Variants in CDC42BPA observed in about 807,000 individuals in gnomAD.
CDC42BPA encodes the protein CDC42 binding protein kinase alpha.
Under a neutral mutation model 223.5 loss-of-function variants are expected in CDC42BPA, and 80 were observed. The observed-to-expected ratio is 0.36, with a 90% CI of 0.30 to 0.43. The LOEUF (loss-of-function observed/expected upper bound fraction) is 0.43, where lower values mean the gene tolerates loss of function less well. CDC42BPA is among the 20% of genes least tolerant of loss of function. CDC42BPA has a pLI of 1.00. For missense variants in CDC42BPA, 1,743 were observed against 2,099.9 expected, an observed-to-expected ratio of 0.83 and a Z score of 3.32; for synonymous variants, 694 against 718.6, an observed-to-expected ratio of 0.97 and a Z score of 0.55.
At chr1:227,168,155 C>T (rs1030078907) in intron 5 of CDC42BPA, among the ~76,000 whole-genome samples, 1 of 152,126 alleles carries the variant, frequency 6.6e-6, no homozygotes, top group Non-Finnish European at 1.5e-5. Context: ...AAACTCCTAA[C>T]CTCAAGTGAT....
At chr1:227,237,812 G>A (rs546420255) in intron 2 of CDC42BPA, among the ~76,000 whole-genome samples, 105 of 73,304 alleles carry the variant, frequency 1.4e-3, no homozygotes, top group Non-Finnish European at 2.1e-3. Context: ...AGGCCGAGGC[G>A]GGCGGATCAC....
intron 14 of CDC42BPA, 54 bp downstream of exon 14, chr1:227,112,258 A>G: frequency 9.4e-7 from 1 of 1,065,496 alleles, no homozygotes. Context: ...ACTCCTAACA[A>G]GCCTAAAGAG....
At chr1:227,076,763 T>C (rs1049628784) in intron 17 of CDC42BPA, among the ~76,000 whole-genome samples, 2 of 152,180 alleles carry the variant, frequency 1.3e-5, no homozygotes. Context: ...ATTATTTCCA[T>C]TGGTTCCTTT....
At chr1:227,147,077 T>C (rs1296855832) in intron 7 of CDC42BPA, among the ~76,000 whole-genome samples, 1 of 152,188 alleles carries the variant, frequency 6.6e-6, no homozygotes, top group African/African-American at 2.4e-5. Context: ...ATACATATAC[T>C]ATAGTAAGCA....
chr1:227,115,976 C>G (rs1311422003), intron 12 of CDC42BPA, among the ~76,000 whole-genome samples: 11 of 152,006 alleles, frequency 7.2e-5, no homozygotes, highest in Admixed American at 3.9e-4. Flanking sequence ...TGCATGAAGT[C>G]TGGAGCTAAA....
At chr1:227,110,224 CTCTCTTTAAG>C (rs1686695015) in intron 14 of CDC42BPA, among the ~76,000 whole-genome samples, 1 of 151,198 alleles carries the variant, frequency 6.6e-6, no homozygotes, top group Non-Finnish European at 1.5e-5. Flanking sequence ...AGGGCTATTT[CTCTCTTTAAG>C]TCTGTCAAAA....
intron 1 of CDC42BPA, among the ~76,000 whole-genome samples, chr1:227,315,839 A>T (rs892744035): frequency 6.6e-6 from 1 of 151,940 alleles, no homozygotes; most frequent in African/African-American, 2.4e-5. Context: ...ACCTTATGAC[A>T]TCACATTGCT....
At chr1:227,041,246 A>T (rs767682869) in intron 23 of CDC42BPA, among the ~76,000 whole-genome samples, 1 of 152,108 alleles carries the variant, frequency 6.6e-6, no homozygotes, top group Non-Finnish European at 1.5e-5. Flanking sequence ...ACCGATCCAT[A>T]TTACCCAGGT....
chr1:227,190,216 C>A (rs545054333), intron 5 of CDC42BPA, among the ~76,000 whole-genome samples: 1 of 152,136 alleles, frequency 6.6e-6, no homozygotes, highest in Non-Finnish European at 1.5e-5. Context: ...TTCAAAGCCC[C>A]TCCATTAAAG....
intron 2 of CDC42BPA, among the ~76,000 whole-genome samples, chr1:227,246,541 T>C (rs879466137): frequency 6.6e-6 from 1 of 151,938 alleles, no homozygotes; most frequent in Non-Finnish European, 1.5e-5. Context: ...AGACCCAATA[T>C]GTTTGGAAGA....
intron 1 of CDC42BPA, among the ~76,000 whole-genome samples, chr1:227,257,487 G>GCCTCAC (rs1553421213): frequency 6.7e-6 from 1 of 150,312 alleles, no homozygotes; most frequent in Non-Finnish European, 1.5e-5. Flanking sequence ...TGGGCACAGT[G>GCCTCAC]GCCTGTAATC....
chr1:227,190,872 A>T (rs1166816040), intron 5 of CDC42BPA, among the ~76,000 whole-genome samples: 2 of 151,492 alleles, frequency 1.3e-5, no homozygotes, highest in Non-Finnish European at 3.0e-5. Context: ...GAATGGGCAG[A>T]GTGTGTGGTG....
At chr1:227,030,764 T>C (rs1669133276) in intron 28 of CDC42BPA, among the ~76,000 whole-genome samples, 1 of 152,144 alleles carries the variant, frequency 6.6e-6, no homozygotes, top group Non-Finnish European at 1.5e-5. Flanking sequence ...GAGGTAAAAA[T>C]TGTGAATGGC....
At chr1:227,064,772 C>T (rs1413586443) in intron 21 of CDC42BPA, among the ~76,000 whole-genome samples, 2 of 152,146 alleles carry the variant, frequency 1.3e-5, no homozygotes, top group African/African-American at 4.8e-5. Flanking sequence ...CAAGAGACCA[C>T]TTATCAAAGT....
chr1:227,262,979 T>C (rs1202079560), intron 1 of CDC42BPA, among the ~76,000 whole-genome samples: 2 of 152,210 alleles, frequency 1.3e-5, no homozygotes, highest in South Asian at 2.1e-4. Context: ...ATGCCTGTAA[T>C]CCTAGCACCC....
At chr1:227,256,933 T>C (rs1683129918) in intron 1 of CDC42BPA, among the ~76,000 whole-genome samples, 1 of 94,132 alleles carries the variant, frequency 1.1e-5, no homozygotes. Context: ...AAACAAAATG[T>C]GATATATATA....
At chr1:227,028,626 G>T (rs1420966275) in intron 30 of CDC42BPA, 31 bp downstream of exon 30, 3 of 1,394,534 alleles carry the variant, frequency 2.2e-6, no homozygotes, top group Non-Finnish European at 2.9e-6. Context: ...GAGATATAAA[G>T]ATAAGACAGC....
chr1:227,113,150 T>TA (rs1687199138), intron 12 of CDC42BPA, among the ~76,000 whole-genome samples: 1 of 152,238 alleles, frequency 6.6e-6, no homozygotes, highest in African/African-American at 2.4e-5. Context: ...TATAGTACCT[T>TA]AGTTTCCACA....
At chr1:227,276,317 G>C (rs1419453896) in intron 1 of CDC42BPA, among the ~76,000 whole-genome samples, 1 of 145,044 alleles carries the variant, frequency 6.9e-6, no homozygotes, top group East Asian at 2.1e-4. Flanking sequence ...GGTGAGGAGC[G>C]TGTCTGGGAG....
Sources: allele counts gnomAD v4.1 joint callset (sites outside exome capture counted in the v4.1 genomes callset), GRCh38; gene constraint gnomAD v4.1.1; transcripts MANE v1.5; gene names NCBI Gene and HGNC (gene_info 2026-07-23, HGNC 2026-07-21).